Variants in DPYD observed in about 807,000 individuals in gnomAD.
DPYD encodes the protein dihydropyrimidine dehydrogenase.
A neutral mutation model predicts 116.2 loss-of-function variants in DPYD; 109 were observed. The ratio of observed to expected loss-of-function variants is 0.94; its 90% CI spans 0.80 to 1.10. DPYD has a LOEUF of 1.10. DPYD is among the 50% of genes least tolerant of loss of function. The probability of loss-of-function intolerance (pLI) is 0.00; values close to 1 mark genes in which losing one functional copy is unlikely to be tolerated. For missense variants in DPYD, 1,302 were observed against 1,254.5 expected (o/e 1.04, Z -0.57); for synonymous variants, 440 against 432.0 (o/e 1.02, Z -0.23).
chr1:97,536,072 C>T (rs946712436), intron 12 of DPYD, among the ~76,000 whole-genome samples: 1 of 152,112 alleles, frequency 6.6e-6, no homozygotes, highest in African/African-American at 2.4e-5. Context: ...TTTGACTTTA[C>T]TACTTGCCAT....
intron 16 of DPYD, among the ~76,000 whole-genome samples, chr1:97,342,385 T>A (rs1241624233): frequency 6.6e-6 from 1 of 152,162 alleles, no homozygotes; most frequent in Non-Finnish European, 1.5e-5. Context: ...TGTGCCTTAA[T>A]AAAACTTGGA....
At chr1:97,196,064 G>A (rs551384690) in intron 19 of DPYD, among the ~76,000 whole-genome samples, 9 of 151,840 alleles carry the variant, frequency 5.9e-5, no homozygotes, top group Non-Finnish European at 7.4e-5. Flanking sequence ...AGGAAGAGGC[G>A]AGCTGGGGTT....
chr1:97,804,872 CTAAT>C (rs1306983122), intron 3 of DPYD, among the ~76,000 whole-genome samples: 1 of 151,814 alleles, frequency 6.6e-6, no homozygotes, highest in Non-Finnish European at 1.5e-5. Flanking sequence ...CAATTAATAA[CTAAT>C]TCTTACCAAA....
At chr1:97,828,289 T>C in intron 2 of DPYD, 93 bp from the exon 3 acceptor site, 2 of 1,139,876 alleles carry the variant, frequency 1.8e-6, no homozygotes, top group Non-Finnish European at 2.6e-6. Flanking sequence ...ATTATATTGA[T>C]CATGGACTCA....
At chr1:97,363,248 T>C (rs1670841212) in intron 16 of DPYD, among the ~76,000 whole-genome samples, 1 of 152,088 alleles carries the variant, frequency 6.6e-6, no homozygotes, top group South Asian at 2.1e-4. Context: ...AAAACCACAA[T>C]AACATACCAT....
intron 8 of DPYD, 101 bp from the exon 9 acceptor site, chr1:97,595,267 T>A: frequency 1.2e-6 from 1 of 859,024 alleles, no homozygotes; most frequent in South Asian, 1.5e-5. Context: ...AATAATGTCA[T>A]TCTTAGAGGA....
intron 20 of DPYD, among the ~76,000 whole-genome samples, chr1:97,113,986 T>C (rs183252748): frequency 6.6e-6 from 1 of 152,276 alleles, no homozygotes; most frequent in Non-Finnish European, 1.5e-5. Context: ...TCATTGTTAG[T>C]AGCCATAATA....
Position 97,475,272 on chromosome 1 carries a change from T to G in DPYD, c.1741-25049A>C, listed in dbSNP as rs529540566. Among the ~76,000 whole-genome samples, 6 of 152,236 alleles carry G rather than the reference T, an allele frequency of 3.9e-5. No individual in the cohort carries two copies. The South Asian group carries it at 1.0e-3, about 26-fold the overall frequency. On this transcript the variant is annotated intron_variant, in intron 13 of 22. Coordinates refer to ENST00000370192, the MANE Select transcript of DPYD (RefSeq NM_000110.4). ...AAAAACAAAGTTAAATCATGATGAT[T>G]TGCTATATACCAAAATAAACTCTAG...
At position 97,196,513 on chromosome 1, in the gene DPYD, A is replaced by G. The variant is rs146527063; in HGVS notation, c.2443-3265T>C. Among the ~76,000 whole-genome samples, 148 of 152,236 alleles carry G rather than the reference A, an allele frequency of 9.7e-4. 1 individual carries two copies. Among genetic ancestry groups the G allele is most frequent in the Middle Eastern group, 3.4e-3 (1 of 292 alleles). ...GGACAGACTGATTTCTGTGTATGAG[A>G]TTTCTGTCAAAATTGGCTGAATGAT... On this transcript the variant is annotated intron_variant, in intron 19 of 22. Transcript: ENST00000370192.
chr1:97,626,393 A>C (rs1447761949), intron 8 of DPYD, among the ~76,000 whole-genome samples: 1 of 152,070 alleles, frequency 6.6e-6, no homozygotes, highest in Admixed American at 6.6e-5. Context: ...TTCTCAATTT[A>C]AATTGGAAGT....
At chr1:97,442,524 T>A (rs1434494557) in intron 14 of DPYD, among the ~76,000 whole-genome samples, 2 of 151,954 alleles carry the variant, frequency 1.3e-5, no homozygotes, top group African/African-American at 4.8e-5. Context: ...ATATTTTATT[T>A]TTTTCTTTGC....
At chr1:97,762,196 A>G (rs1274318458) in intron 3 of DPYD, among the ~76,000 whole-genome samples, 2 of 152,196 alleles carry the variant, frequency 1.3e-5, no homozygotes, top group Non-Finnish European at 2.9e-5. Context: ...TTGAAATGAA[A>G]AAGTAAAAGA....
intron 18 of DPYD, among the ~76,000 whole-genome samples, chr1:97,285,154 T>A (rs998897559): frequency 6.6e-6 from 1 of 152,200 alleles, no homozygotes; most frequent in African/African-American, 2.4e-5. Context: ...ATAGAAGGGA[T>A]ATATGTAAAC....
At position 97,524,176 on chromosome 1, in the gene DPYD, G is replaced by T. The variant is rs540045396; in HGVS notation, c.1525-8235C>A. On this transcript the variant is annotated intron_variant, in intron 12 of 22. Transcript: ENST00000370192. ...GTCAAGTTGAAACTCACAAACTGCA[G>T]GAATATAGTCATTGGGGTCCCTTAG... Among the ~76,000 whole-genome samples the T allele has an allele frequency of 4.6e-5, 7 of 152,208 alleles. No individual in the cohort carries two copies. The East Asian group carries it at 1.2e-3, about 25-fold the overall frequency.
At chr1:97,606,935 C>A (rs940003822) in intron 8 of DPYD, among the ~76,000 whole-genome samples, 12 of 151,828 alleles carry the variant, frequency 7.9e-5, no homozygotes, top group Non-Finnish European at 1.8e-4. Context: ...CCTGGGGCAA[C>A]AATTTCACTC....
intron 2 of DPYD, among the ~76,000 whole-genome samples, chr1:97,878,821 T>C (rs1046215503): frequency 3.9e-5 from 6 of 152,018 alleles, no homozygotes; most frequent in African/African-American, 1.4e-4. Flanking sequence ...GGTATTTCAG[T>C]CTTCTTCAAA....
intron 13 of DPYD, among the ~76,000 whole-genome samples, chr1:97,455,849 A>G (rs1160668686): frequency 7.2e-5 from 11 of 151,954 alleles, no homozygotes; most frequent in Admixed American, 7.2e-4. Context: ...CCAATAAATC[A>G]TATTTTTCTC....
At chr1:97,576,819 C>A (rs1028539970) in intron 10 of DPYD, among the ~76,000 whole-genome samples, 3 of 152,162 alleles carry the variant, frequency 2.0e-5, no homozygotes, top group Non-Finnish European at 4.4e-5. Flanking sequence ...GATTCATCTG[C>A]ATTTTTGCTT....
chr1:97,437,034 T>G (rs11165872), intron 14 of DPYD, among the ~76,000 whole-genome samples: 63,106 of 151,444 alleles, frequency 0.42, 13,462 homozygotes, highest in Middle Eastern at 0.53. Flanking sequence ...AATAATTTAT[T>G]AAAGTATACA....
Sources: allele counts gnomAD v4.1 joint callset (sites outside exome capture counted in the v4.1 genomes callset), GRCh38; gene constraint gnomAD v4.1.1; transcripts MANE v1.5; gene names NCBI Gene and HGNC (gene_info 2026-07-23, HGNC 2026-07-21).